NBEAL1: variants seen among roughly 807,000 people sequenced by gnomAD.
The protein encoded by NBEAL1 is neurobeachin-like protein 1.
A neutral mutation model predicts 351.3 loss-of-function variants in NBEAL1; 273 were observed. The ratio of observed to expected loss-of-function variants is 0.78; its 90% confidence interval spans 0.70 to 0.86. NBEAL1 has a LOEUF of 0.86. Among genes scored for constraint, NBEAL1 ranks in the 40% least tolerant of loss-of-function variants. The pLI is 0.00. For missense variants in NBEAL1, 2,961 were observed against 3,201.3 expected (o/e 0.92, Z 1.81); for synonymous variants, 1,050 against 1,086.4 (o/e 0.97, Z 0.66).
At chr2:203,141,828 A>G (rs1424569351) in intron 31 of NBEAL1, among the ~76,000 whole-genome samples, 1 of 152,138 alleles carries the variant, frequency 6.6e-6, no homozygotes, top group Non-Finnish European at 1.5e-5. Context: ...CTCTTTCTGT[A>G]TAGGGGTTAT....
At chr2:203,144,040 T>C (rs1257894067) in intron 31 of NBEAL1, among the ~76,000 whole-genome samples, 3 of 151,662 alleles carry the variant, frequency 2.0e-5, no homozygotes, top group African/African-American at 7.3e-5. Context: ...TGAAACCCTG[T>C]CTCTACTAAA....
chr2:203,056,469 T>A lies in NBEAL1; in HGVS notation c.348T>A (p.Ile116=). 1.3e-6 allele frequency: 2 copies of A among 1,551,084 alleles called. No individual in the cohort carries two copies. The highest frequency in any genetic ancestry group is 1.7e-6 in the Non-Finnish European group (2 of 1,144,502). Reference sequence around the variant, plus strand: ...AAGAAATTGGGACTTGCTCGTACATTAATTATGTCATCACCATGACAACAC... The same window carrying A: ...AAGAAATTGGGACTTGCTCGTACATAAATTATGTCATCACCATGACAACAC... ...NVEEIGTCSY[I]NYVITMTTLY... is the part of the protein sequence containing the mutation. Residue 116 remains isoleucine (I), a synonymous_variant, in exon 5 of 56, where the codon ATT becomes ATA. Transcript: ENST00000683969.
At chr2:203,030,625 C>T (rs188649615) in intron 2 of NBEAL1, among the ~76,000 whole-genome samples, 494 of 152,312 alleles carry the variant, frequency 3.2e-3, no homozygotes, top group African/African-American at 0.011. Flanking sequence ...TAACTCTCCT[C>T]CCTCCACTAG....
chr2:203,087,323 C>T (rs907358009), intron 10 of NBEAL1, among the ~76,000 whole-genome samples: 2 of 151,424 alleles, frequency 1.3e-5, no homozygotes, highest in African/African-American at 4.9e-5. Flanking sequence ...GAACTCCAGA[C>T]CTCGTGATTC....
At chr2:203,207,163 TGAG>T (rs1348118381) in intron 51 of NBEAL1, among the ~76,000 whole-genome samples, 1 of 149,270 alleles carries the variant, frequency 6.7e-6, no homozygotes, top group Non-Finnish European at 1.5e-5. Context: ...GTCTGAGAAG[TGAG>T]GAGCCCCTCC....
intron 2 of NBEAL1, among the ~76,000 whole-genome samples, chr2:203,036,038 G>A (rs2061035447): frequency 6.7e-6 from 1 of 149,232 alleles, no homozygotes; most frequent in South Asian, 2.1e-4. Context: ...GTTTAAGAAA[G>A]TAACAGAGCA....
intron 10 of NBEAL1, among the ~76,000 whole-genome samples, chr2:203,095,072 C>T (rs2062153162): frequency 6.6e-6 from 1 of 151,206 alleles, no homozygotes; most frequent in South Asian, 2.1e-4. Context: ...TGCGGTGAGC[C>T]GAGACTGTGC....
intron 51 of NBEAL1, among the ~76,000 whole-genome samples, chr2:203,204,324 GTTT>G (rs760736834): frequency 4.0e-5 from 5 of 125,818 alleles, no homozygotes; most frequent in Admixed American, 8.1e-5. Context: ...GGGTTTTTTG[GTTT>G]TTTTTTTTTT....
Position 203,166,162 on chromosome 2 carries a change from G to C in NBEAL1, c.5728G>C (p.Glu1910Gln). 1.3e-6 allele frequency: 2 copies of C among 1,578,218 alleles called. No individual in the cohort carries two copies. Among genetic ancestry groups the C allele is most frequent in the South Asian group, 2.4e-5 (2 of 82,854 alleles). The change falls in exon 37 of 56, where the codon GAA becomes CAA. Residue 1910 changes from glutamate (E) to glutamine (Q), a missense_variant. Coordinates refer to ENST00000683969, the MANE Select transcript of NBEAL1 (RefSeq NM_001378026.1). ...TTGTTTTTACAGTGATGAGAAAGAA[G>C]AACAGGATCAAAAAGAAAAATTGGT... Reference protein sequence around the residue: ...TARVNVDEKEEQDQKEKLVLM... With the variant: ...TARVNVDEKEQQDQKEKLVLM...
chr2:203,204,738 A>G (rs551378486), intron 51 of NBEAL1, among the ~76,000 whole-genome samples: 19 of 152,006 alleles, frequency 1.2e-4, no homozygotes, highest in Admixed American at 6.6e-4. Context: ...TACTTACTTC[A>G]AATTATCATG....
At chr2:203,212,545 T>C (rs987696653) in intron 54 of NBEAL1, among the ~76,000 whole-genome samples, 2 of 150,712 alleles carry the variant, frequency 1.3e-5, no homozygotes, top group African/African-American at 4.9e-5. Flanking sequence ...GAGGCAGAGG[T>C]TGCAGTGACT....
chr2:203,084,358 C>T, intron 9 of NBEAL1, 105 bp from the exon 10 acceptor site: 1 of 508,212 alleles, frequency 2.0e-6, no homozygotes, highest in South Asian at 5.4e-5. Context: ...AAATACTGAA[C>T]ATCAAAGTTG....
At chr2:203,055,460 C>T (rs2061388597) in intron 4 of NBEAL1, among the ~76,000 whole-genome samples, 1 of 151,988 alleles carries the variant, frequency 6.6e-6, no homozygotes, top group South Asian at 2.1e-4. Flanking sequence ...AAAAAGGTAG[C>T]CAGGCCTAGT....
Position 203,049,896 on chromosome 2 carries a change from C to G in NBEAL1, c.226C>G (p.Gln76Glu). ...VLRIQLLQCV[Q>E]KMADGLEEQQ... ...GAGGATCCAGCTTCTACAGTGTGTT[C>G]AGAAAATGGCAGATGGGTTAGAGGA... The change falls in exon 4 of 56, where the codon CAG becomes GAG. Residue 76 changes from glutamine (Q) to glutamate (E), a missense_variant. Gln to Glu is a conservative substitution (Grantham distance 29, BLOSUM62 2). Transcript: ENST00000683969. 6.4e-7 allele frequency: 1 copy of G among 1,556,696 alleles called. No individual in the cohort carries two copies. The highest frequency in any genetic ancestry group is 8.7e-7 in the Non-Finnish European group (1 of 1,148,400).
intron 29 of NBEAL1, 108 bp from the exon 30 acceptor site, chr2:203,138,054 A>T: frequency 2.1e-6 from 2 of 971,538 alleles, no homozygotes; most frequent in Non-Finnish European, 3.1e-6. Flanking sequence ...GAGATAGTAT[A>T]TCTTTAGAGA....
chr2:203,144,000 A>G (rs530116731), intron 31 of NBEAL1, among the ~76,000 whole-genome samples: 1 of 152,144 alleles, frequency 6.6e-6, no homozygotes, highest in South Asian at 2.1e-4. Flanking sequence ...TCACGAGGTC[A>G]GGAGTTCAAG....
At chr2:203,076,876 G>A (rs999957357) in intron 7 of NBEAL1, among the ~76,000 whole-genome samples, 26 of 151,858 alleles carry the variant, frequency 1.7e-4, no homozygotes, top group African/African-American at 6.0e-4. Flanking sequence ...ACAGGCATGA[G>A]CCACTGCGCC....
At chr2:203,092,789 C>G (rs1167435256) in intron 10 of NBEAL1, among the ~76,000 whole-genome samples, 1 of 152,150 alleles carries the variant, frequency 6.6e-6, no homozygotes, top group African/African-American at 2.4e-5. Context: ...AATTTTTTCA[C>G]ACTGTTTTGA....
intron 47 of NBEAL1, among the ~76,000 whole-genome samples, chr2:203,195,641 G>C (rs1368662261): frequency 6.6e-6 from 1 of 152,208 alleles, no homozygotes; most frequent in Non-Finnish European, 1.5e-5. Context: ...TCAGCAAAGG[G>C]AAAAGGCACA....
Sources: allele counts gnomAD v4.1 joint callset (sites outside exome capture counted in the v4.1 genomes callset), GRCh38; gene constraint gnomAD v4.1.1; transcripts MANE v1.5; gene names NCBI Gene and HGNC (gene_info 2026-07-23, HGNC 2026-07-21).